Variants in TRIM37 observed in about 807,000 individuals in gnomAD.
TRIM37 encodes the protein tripartite motif containing 37.
Under a neutral mutation model 129.8 loss-of-function variants are expected in TRIM37, and 80 were observed. The observed-to-expected ratio is 0.62, with a 90% confidence interval of 0.51 to 0.74. The LOEUF (loss-of-function observed/expected upper bound fraction) is 0.74, where lower values mean the gene tolerates loss of function less well. Ranked by LOEUF, TRIM37 falls within the 30% of genes least tolerant of loss-of-function variation. The pLI, the probability that TRIM37 is intolerant of heterozygous loss-of-function variation, is 0.00. For synonymous variants in TRIM37, 389 were observed against 387.1 expected (o/e 1.00, Z -0.06); for missense variants, 1,054 against 1,176.5 (o/e 0.90, Z 1.52).
chr17:58,992,866 T>C (rs2032590794), intron 24 of TRIM37, among the ~76,000 whole-genome samples: 1 of 152,156 alleles, frequency 6.6e-6, no homozygotes, highest in Middle Eastern at 3.4e-3. Context: ...CATAAATAAC[T>C]CCTAACACTT....
In TRIM37 at chr17:59,041,877, T is replaced by C. The variant is rs2039200542; in HGVS notation, c.1689A>G (p.Glu563=). ...CCTCTTCTAATTCCATGTTGTTATA[T>C]TCCACATCATTTTCTCCAGACCTAA... ...EETMSGENDV[E]YNNMELEEGE... The change falls in exon 17 of 24, where the codon GAA becomes GAG. Residue 563 remains glutamate (E), a synonymous_variant. Transcript: ENST00000262294. 3 of 1,613,496 alleles carry C rather than the reference T, an allele frequency of 1.9e-6. No homozygotes were observed. Among genetic ancestry groups the C allele is most frequent in the Non-Finnish European group, 2.5e-6 (3 of 1,179,478 alleles).
intron 8 of TRIM37, among the ~76,000 whole-genome samples, chr17:59,072,334 G>A (rs6503893): frequency 0.65 from 99,165 of 152,070 alleles, 32,972 homozygotes; most frequent in African/African-American, 0.77. Flanking sequence ...GGCCTAGCAA[G>A]CTAATATACT....
At chr17:59,101,677 A>AAAT (rs1568265833) in intron 2 of TRIM37, among the ~76,000 whole-genome samples, 22 of 101,578 alleles carry the variant, frequency 2.2e-4, no homozygotes, top group African/African-American at 6.9e-4. Flanking sequence ...AAAAAAAAAA[A>AAAT]ATATATATAT....
chr17:58,978,616 CAGG>C (rs1353572295), downstream of TRIM37, among the ~76,000 whole-genome samples: 3 of 152,122 alleles, frequency 2.0e-5, no homozygotes, highest in Non-Finnish European at 4.4e-5. Flanking sequence ...GAGGCGGAGG[CAGG>C]AGAATTGCTG....
At chr17:59,023,301 C>T (rs193168029) in intron 19 of TRIM37, among the ~76,000 whole-genome samples, 2 of 152,258 alleles carry the variant, frequency 1.3e-5, no homozygotes, top group Non-Finnish European at 2.9e-5. Flanking sequence ...TGGTCTCGAA[C>T]TCCTGGCCTC....
At chr17:59,076,214 C>T (rs1323969821) in intron 7 of TRIM37, among the ~76,000 whole-genome samples, 4 of 152,062 alleles carry the variant, frequency 2.6e-5, no homozygotes, top group Non-Finnish European at 5.9e-5. Context: ...CAGAGGTGAA[C>T]AGTCTCAAAA....
At chr17:59,005,862 G>A (rs911305164) in intron 22 of TRIM37, among the ~76,000 whole-genome samples, 18 of 152,058 alleles carry the variant, frequency 1.2e-4, no homozygotes, top group African/African-American at 4.1e-4. Flanking sequence ...AGCAGACAGG[G>A]CCATGAACAC....
intron 8 of TRIM37, 61 bp downstream of exon 8, chr17:59,075,586 A>C: frequency 9.4e-7 from 1 of 1,068,626 alleles, no homozygotes. Flanking sequence ...AAAAAAAAAC[A>C]ACTACAGTAT....
At chr17:59,101,948 T>C (rs1038065617) in intron 2 of TRIM37, among the ~76,000 whole-genome samples, 1 of 149,478 alleles carries the variant, frequency 6.7e-6, no homozygotes, top group African/African-American at 2.5e-5. Flanking sequence ...CAAAAAAAAA[T>C]AAAAAATAAA....
chr17:59,047,902 A>G, intron 15 of TRIM37, 83 bp from the exon 16 acceptor site: 9 of 1,521,512 alleles, frequency 5.9e-6, no homozygotes, highest in Non-Finnish European at 7.2e-6. Flanking sequence ...TAAACCAAGC[A>G]CCAAAGAATA....
chr17:59,079,423 A>G (rs774435552), intron 7 of TRIM37, among the ~76,000 whole-genome samples: 7 of 152,202 alleles, frequency 4.6e-5, no homozygotes, highest in African/African-American at 7.2e-5. Flanking sequence ...TTCATCCCCA[A>G]TGAAAATGGA....
intron 19 of TRIM37, among the ~76,000 whole-genome samples, chr17:59,024,214 C>CAAAA (rs1237722939): frequency 5.3e-4 from 40 of 74,890 alleles, no homozygotes; most frequent in African/African-American, 7.2e-4. Context: ...AATTCCGTAT[C>CAAAA]AAAAAAAAAA....
In TRIM37 at chr17:59,062,668, A is replaced by C; in HGVS notation, c.861-20T>G. On this transcript the variant is annotated intron_variant, in intron 10 of 23. Transcript: ENST00000262294. Reference sequence around the variant, plus strand: ...AAAGTGCTAACGAAAAAGAAAACCAACCAAATCCCAAGATCAAAACTGTTG... The same window carrying C: ...AAAGTGCTAACGAAAAAGAAAACCACCCAAATCCCAAGATCAAAACTGTTG... The C allele has an allele frequency of 1.9e-6, 3 of 1,606,712 alleles. No individual in the cohort carries two copies. The Admixed American group carries it at 5.0e-5, about 27-fold the overall frequency.
downstream of TRIM37, chr17:58,980,053 C>T (rs746078750): frequency 2.5e-6 from 4 of 1,614,146 alleles, no homozygotes; most frequent in African/African-American, 1.3e-5. This position sits in a 1 kb window ranked among gnomAD's most constrained non-coding sequence, Gnocchi z 4.7. Flanking sequence ...AAGACTACCT[C>T]ATTCTGGCCT....
At chr17:59,104,660 G>C (rs966027807) in intron 1 of TRIM37, among the ~76,000 whole-genome samples, 1 of 152,146 alleles carries the variant, frequency 6.6e-6, no homozygotes, top group Admixed American at 6.5e-5. Context: ...CACTAAAGCA[G>C]TAATTATAAT....
intron 8 of TRIM37, among the ~76,000 whole-genome samples, chr17:59,073,298 C>CT (rs913398259): frequency 1.1e-3 from 155 of 146,176 alleles, no homozygotes; most frequent in East Asian, 4.4e-3. Flanking sequence ...ATATTATTTA[C>CT]TTTTTTTTTT....
chr17:58,967,823 C>T, the TRIM37 span, among the ~76,000 whole-genome samples: 83,348 of 146,740 alleles, frequency 0.57, 23,716 homozygotes, highest in Non-Finnish European at 0.61. Context: ...TTTTTTGAAA[C>T]GGAGTCTCGC....
intron 5 of TRIM37, among the ~76,000 whole-genome samples, chr17:59,081,634 G>A (rs1313936912): frequency 2.0e-5 from 3 of 152,020 alleles, no homozygotes; most frequent in African/African-American, 7.3e-5. Flanking sequence ...TTAGCCAGGG[G>A]TGGTGGCTCA....
At chr17:59,105,820 G>A (rs1214053258) in intron 1 of TRIM37, among the ~76,000 whole-genome samples, 2 of 152,102 alleles carry the variant, frequency 1.3e-5, no homozygotes, top group Non-Finnish European at 2.9e-5. Context: ...GTATCTGAAA[G>A]GTTCAAAATT....
Sources: gnomAD v4.1 joint callset for allele counts (sites outside exome capture counted in the v4.1 genomes callset) on GRCh38, gnomAD v4.1.1 for gene constraint, Gnocchi (gnomAD v3.1) non-coding constraint, MANE v1.5 for transcripts, NCBI Gene and HGNC (gene_info 2026-07-23, HGNC 2026-07-21) for gene names.